Variants in ANKRD50 observed in about 807,000 individuals in gnomAD.
The protein encoded by ANKRD50 is ankyrin repeat domain-containing protein 50.
ANKRD50 carries 40 observed loss-of-function variants against 112.0 expected under a neutral mutation model. That is an observed-to-expected ratio of 0.36 (90% CI 0.28 to 0.46). The LOEUF (loss-of-function observed/expected upper bound fraction) is 0.46. Ranked by LOEUF, ANKRD50 falls within the 20% of genes least tolerant of loss-of-function variation. The pLI, the probability that ANKRD50 is intolerant of heterozygous loss-of-function variation, is 1.00. For synonymous variants in ANKRD50, 613 were observed against 619.1 expected (o/e 0.99, Z 0.15); for missense variants, 1,487 against 1,701.7 (o/e 0.87, Z 2.22).
chr4:124,676,600 T>C (rs1424363078), intron 3 of ANKRD50, among the ~76,000 whole-genome samples: 1 of 151,598 alleles, frequency 6.6e-6, no homozygotes, highest in East Asian at 1.9e-4. Context: ...AATTTATGAT[T>C]TTACAGATTA....
At chr4:124,683,980 A>C (rs903718205) in intron 2 of ANKRD50, among the ~76,000 whole-genome samples, 4 of 151,050 alleles carry the variant, frequency 2.6e-5, no homozygotes, top group Non-Finnish European at 4.4e-5. Flanking sequence ...TTCAGTGACA[A>C]TAAGAAAAGA....
chr4:124,668,354 T>C (rs1730546960), intron 4 of ANKRD50, among the ~76,000 whole-genome samples: 1 of 152,040 alleles, frequency 6.6e-6, no homozygotes, highest in Admixed American at 6.6e-5. Flanking sequence ...TCTCAAGAGA[T>C]CTGTCATCAT....
chr4:124,709,223 T>A (rs1725572353), intron 2 of ANKRD50, among the ~76,000 whole-genome samples: 1 of 151,094 alleles, frequency 6.6e-6, no homozygotes, highest in South Asian at 2.1e-4. Flanking sequence ...CTGCTACTTT[T>A]ACAATGAGCA....
chr4:124,703,060 G>T (rs1158488510), intron 2 of ANKRD50, among the ~76,000 whole-genome samples: 7 of 152,034 alleles, frequency 4.6e-5, no homozygotes, highest in African/African-American at 1.7e-4. Context: ...TGGTAGCCAT[G>T]TAAGTAAATA....
chr4:124,708,630 C>A (rs989561873), intron 2 of ANKRD50, among the ~76,000 whole-genome samples: 3 of 151,650 alleles, frequency 2.0e-5, no homozygotes, highest in African/African-American at 4.8e-5. Flanking sequence ...CCATACATAA[C>A]CTTCTAAACC....
chr4:124,684,508 C>T (rs1219808362), intron 2 of ANKRD50, among the ~76,000 whole-genome samples: 1 of 152,090 alleles, frequency 6.6e-6, no homozygotes, highest in Non-Finnish European at 1.5e-5. Flanking sequence ...TCTGCCTTCC[C>T]CTCTTCATTC....
chr4:124,683,392 CAG>C (rs1724936646), intron 2 of ANKRD50, among the ~76,000 whole-genome samples: 1 of 151,716 alleles, frequency 6.6e-6, no homozygotes, highest in East Asian at 1.9e-4. Flanking sequence ...ATGATCAAAT[CAG>C]GGTAATCGTG....
chr4:124,680,517 G>A (rs1156321947), intron 2 of ANKRD50, among the ~76,000 whole-genome samples: 1 of 152,132 alleles, frequency 6.6e-6, no homozygotes, highest in Non-Finnish European at 1.5e-5. Context: ...GTAGAGGGAA[G>A]GTGGGGTAAT....
chr4:124,678,172 T>A (rs1724772615), intron 3 of ANKRD50, among the ~76,000 whole-genome samples: 2 of 152,154 alleles, frequency 1.3e-5, no homozygotes, highest in African/African-American at 4.8e-5. Flanking sequence ...AATTACACTA[T>A]ATATCCTGTG....
rs1344657596 is a variant in ANKRD50, at chr4:124,698,287, A to C, written c.512+11713T>G. ...AGTTAATGTAAGGCAGACTATGTAG[A>C]TATAAATGCAGGAGGGTTAGTACAG... On this transcript the variant is annotated intron_variant, in intron 2 of 4. Coordinates refer to ENST00000504087, the MANE Select transcript of ANKRD50 (RefSeq NM_020337.3). 2.0e-5 allele frequency among the ~76,000 whole-genome samples: 3 copies of C among 152,168 alleles called. No homozygotes were observed. The East Asian group carries it at 5.8e-4, about 29-fold the overall frequency.
At chr4:124,691,887 A>G (rs1046642524) in intron 2 of ANKRD50, among the ~76,000 whole-genome samples, 1 of 152,216 alleles carries the variant, frequency 6.6e-6, no homozygotes, top group African/African-American at 2.4e-5. Context: ...GAGCATTCCT[A>G]TTCCAAAAAT....
chr4:124,679,938 T>G (rs891244792), intron 2 of ANKRD50, among the ~76,000 whole-genome samples: 3 of 152,176 alleles, frequency 2.0e-5, no homozygotes, highest in Non-Finnish European at 2.9e-5. Flanking sequence ...CAAATGTTAT[T>G]CCAGCCAGAC....
intron 2 of ANKRD50, among the ~76,000 whole-genome samples, chr4:124,705,093 C>CAAA (rs34340105): frequency 5.6e-4 from 81 of 143,890 alleles, no homozygotes; most frequent in African/African-American, 2.0e-3. Context: ...GACTCCATCT[C>CAAA]AAAAAAACAA....
chr4:124,668,380 C>G (rs1365408605), intron 4 of ANKRD50, among the ~76,000 whole-genome samples: 1 of 152,022 alleles, frequency 6.6e-6, no homozygotes, highest in Non-Finnish European at 1.5e-5. Context: ...CTACCTTCTA[C>G]TAAGTTTTTG....
intron 2 of ANKRD50, among the ~76,000 whole-genome samples, chr4:124,708,659 T>C (rs1206645122): frequency 1.3e-5 from 2 of 149,448 alleles, no homozygotes; most frequent in East Asian, 2.0e-4. Flanking sequence ...TCCCATCAAG[T>C]CCCCCAGAGA....
chr4:124,665,384 A>T lies in ANKRD50; in HGVS notation c.*2134T>A, dbSNP rs535327706. 2.0e-5 allele frequency: 3 copies of T among 152,480 alleles called. No homozygotes were observed. The South Asian group carries it at 6.2e-4, about 32-fold the overall frequency. 9.4% of individuals were successfully genotyped at this position (152,480 alleles called of 1,614,324 possible). ...AAACATAAATCCCTTATGCAATGTC[A>T]TATCTTCGCCCTTTGGACACAAGGT... On this transcript the variant is annotated 3_prime_UTR_variant, in exon 5 of 5. Transcript: ENST00000504087.
chr4:124,712,105 G>T (rs1044975353), intron 1 of ANKRD50, among the ~76,000 whole-genome samples: 5 of 152,242 alleles, frequency 3.3e-5, no homozygotes, highest in African/African-American at 1.2e-4. Context: ...GGCCACGAGC[G>T]AAGGTGCAGC....
chr4:124,672,592 T>A lies in ANKRD50; in HGVS notation c.743-58A>T. On this transcript the variant is annotated intron_variant, in intron 3 of 4. Transcript: ENST00000504087. Reference sequence around the variant, plus strand: ...GTTGAAAAGGATTATAGAAGTACCATATCTTCAAAGAGAATGTCAACATAT... The same window carrying A: ...GTTGAAAAGGATTATAGAAGTACCAAATCTTCAAAGAGAATGTCAACATAT... 7.3e-6 allele frequency: 9 copies of A among 1,225,090 alleles called. 1 individual carries two copies. The South Asian group carries it at 1.3e-4, about 18-fold the overall frequency. 75.9% of individuals were successfully genotyped at this position (1,225,090 alleles called of 1,614,324 possible). A position where few individuals can be genotyped will look rare whatever the true frequency, so the allele number is the denominator to read the frequency against.
At chr4:124,675,773 C>T (rs985018150) in intron 3 of ANKRD50, among the ~76,000 whole-genome samples, 3 of 151,642 alleles carry the variant, frequency 2.0e-5, no homozygotes, top group African/African-American at 7.3e-5. Context: ...TTGAAATAGG[C>T]TGCTATTTCT....
Sources: gnomAD v4.1 joint callset for allele counts (sites outside exome capture counted in the v4.1 genomes callset) on GRCh38, gnomAD v4.1.1 for gene constraint, MANE v1.5 for transcripts, NCBI Gene and HGNC (gene_info 2026-07-23, HGNC 2026-07-21) for gene names.